The following NT5DC3 variants were observed in gnomAD, a reference collection of about 807,000 sequenced individuals.
NT5DC3 encodes 5'-nucleotidase domain-containing protein 3.
NT5DC3 carries 42 observed loss-of-function variants against 67.8 expected under a neutral mutation model. The observed-to-expected ratio is 0.62, with a 90% CI of 0.48 to 0.80. The LOEUF (loss-of-function observed/expected upper bound fraction) is 0.80. Among genes scored for constraint, NT5DC3 ranks in the 30% least tolerant of loss-of-function variants. The pLI, the probability that NT5DC3 is intolerant of heterozygous loss-of-function variation, is 0.00. For synonymous variants in NT5DC3, 237 were observed against 255.6 expected, an observed-to-expected ratio of 0.93 and a Z score of 0.69; for missense variants, 570 against 696.4, an observed-to-expected ratio of 0.82 and a Z score of 2.04.
At chr12:103,831,484 C>T (rs183904971) in intron 1 of NT5DC3, among the ~76,000 whole-genome samples, 10 of 152,262 alleles carry the variant, frequency 6.6e-5, no homozygotes, top group African/African-American at 7.2e-5. Context: ...CATGTGAGGA[C>T]GAGCTTGTGA....
At chr12:103,749,139 T>C in the NT5DC3 span, 1 of 1,604,336 alleles carries the variant, frequency 6.2e-7, no homozygotes, top group Non-Finnish European at 8.5e-7. Context: ...GCACGCCACC[T>C]GTAAGATGAC....
the NT5DC3 span, chr12:103,763,326 C>G: frequency 1.6e-6 from 1 of 644,802 alleles, no homozygotes; most frequent in East Asian, 2.6e-5. Context: ...TGAGCTGAAT[C>G]TAAAGGTTGG....
intron 4 of NT5DC3, chr12:103,802,385 G>A (rs1782111079): frequency 6.6e-6 from 1 of 152,208 alleles, no homozygotes; most frequent in Non-Finnish European, 1.5e-5. Context: ...CAAATGCCAG[G>A]TGGCAAGAAA....
chr12:103,793,796 C>A, intron 7 of NT5DC3, 141 bp downstream of exon 7: 1 of 696,482 alleles, frequency 1.4e-6, no homozygotes. Context: ...GAGGAGACGG[C>A]TAACATGCCA....
At position 103,841,059 on chromosome 12, in the gene NT5DC3, C is replaced by T; in HGVS notation, c.98G>A (p.Gly33Glu). The part of the protein sequence containing the change: ...LRGGCGTAAR[G>E]RPCAGPARPL... ...CCGGGCGGGGCCCGCACACGGCCGC[C>T]CCCGAGCCGCGGTCCCGCAGCCACC... Residue 33 changes from glycine (G) to glutamate (E), a missense_variant, in exon 1 of 14, where the codon GGG (glycine) becomes GAG (glutamate). Physicochemically the swap from Gly to Glu is moderately conservative, Grantham distance 98. Transcript: ENST00000392876. The T allele has an allele frequency of 7.9e-7, 1 of 1,265,304 alleles. No homozygotes were observed. The highest frequency in any genetic ancestry group is 9.9e-7 in the Non-Finnish European group (1 of 1,009,540). 78.4% of individuals were successfully genotyped at this position (1,265,304 alleles called of 1,614,324 possible). A position where few individuals can be genotyped will look rare whatever the true frequency, so the allele number is the denominator to read the frequency against.
intron 1 of NT5DC3, among the ~76,000 whole-genome samples, chr12:103,836,615 G>A (rs938884629): frequency 6.6e-6 from 1 of 152,186 alleles, no homozygotes; most frequent in Non-Finnish European, 1.5e-5. Context: ...CAGTTTTGAG[G>A]AGTACTGGTT....
Position 103,780,353 on chromosome 12 carries a change from A to C in NT5DC3, c.1341T>G (p.Asp447Glu), listed in dbSNP as rs139268775. 8.5e-5 allele frequency: 137 copies of C among 1,614,128 alleles called. No homozygotes were observed. In the East Asian group the frequency reaches 2.8e-3, roughly 33 times the overall value. Reference sequence around the variant, plus strand: ...CCTGCAAAACCAGCTGTGACTCAGCATCTCTGTGAACCTGTAGGACACAAG... The same window carrying C: ...CCTGCAAAACCAGCTGTGACTCAGCCTCTCTGTGAACCTGTAGGACACAAG... The part of the protein sequence containing the change: ...GLLEQMQVHR[D>E]AESQLVLQEW... Residue 447 changes from aspartate to glutamate, a missense_variant, in exon 13 of 14, where the codon GAT becomes GAG. Coordinates refer to ENST00000392876, the MANE Select transcript of NT5DC3 (RefSeq NM_001031701.3).
Position 103,777,790 on chromosome 12 carries a change from C to A in NT5DC3, c.*39G>T. 1 of 1,579,008 alleles carries A rather than the reference C, an allele frequency of 6.3e-7. No individual in the cohort carries two copies. Among genetic ancestry groups the A allele is most frequent in the Non-Finnish European group, 8.6e-7 (1 of 1,164,452 alleles). On this transcript the variant is annotated 3_prime_UTR_variant, in exon 14 of 14. Coordinates refer to ENST00000392876, the MANE Select transcript of NT5DC3 (RefSeq NM_001031701.3). ...TGAAGTCAACCCCATCATGCCTGCC[C>A]AATCAGGGGCAGTTACAGTTTCTAG...
chr12:103,800,504 T>C (rs1886522196), intron 4 of NT5DC3, among the ~76,000 whole-genome samples: 1 of 152,238 alleles, frequency 6.6e-6, no homozygotes, highest in African/African-American at 2.4e-5. Flanking sequence ...TCCCTGCCCT[T>C]TGGAAGCCAC....
chr12:103,801,582 CAT>C lies in NT5DC3; in HGVS notation c.525-2907_525-2906del, dbSNP rs1886584926. Among the ~76,000 whole-genome samples, 3 of 151,906 alleles carry C rather than the reference CAT, an allele frequency of 2.0e-5. No individual in the cohort carries two copies. The South Asian group carries it at 6.2e-4, about 32-fold the overall frequency. On this transcript the variant is annotated intron_variant, in intron 4 of 13. Coordinates refer to ENST00000392876, the MANE Select transcript of NT5DC3 (RefSeq NM_001031701.3). ...ATTTTTAGGAGAGACGGGGTTTCAC[CAT>C]GTTAGCCAGGATGGTCTTGATCTCC...
chr12:103,766,212 G>A (rs1257098972), downstream of NT5DC3: 2 of 1,588,402 alleles, frequency 1.3e-6, no homozygotes, highest in Admixed American at 3.3e-5. Context: ...CCTCAGACCA[G>A]TGGCCACCAG....
rs1397803276 is a variant in NT5DC3 at position 103,774,194 on chromosome 12, T to TCTTAGAAAATCA, written c.*3634_*3635insTGATTTTCTAAG. 4 of 152,262 alleles carry TCTTAGAAAATCA rather than the reference T, an allele frequency of 2.6e-5. No homozygotes were observed. Among genetic ancestry groups the TCTTAGAAAATCA allele is most frequent in the Non-Finnish European group, 5.9e-5 (4 of 68,050 alleles). The allele number at this position is 152,262 out of a possible 1,614,324, so 9.4% of individuals were successfully genotyped here. On this transcript the variant is annotated 3_prime_UTR_variant, in exon 14 of 14. Transcript: ENST00000392876. ...ATGGCTGCTGCCCTGGACTCATCATTGTTCACATAATTCTTAGAAAATCAG... is the reference window on the plus strand; with the variant it reads ...ATGGCTGCTGCCCTGGACTCATCATTCTTAGAAAATCAGTTCACATAATTCTTAGAAAATCAG...
At position 103,841,104 on chromosome 12, in the gene NT5DC3, G is replaced by T. The variant is rs1201979086; in HGVS notation, c.53C>A (p.Ala18Glu). ...GCCACCCCGCAAAGCCGCCGCTGTC[G>T]CTGCCCTCGCCCCGGCCCCGCGTGC... ...VVARGAGARAATAAALRGGCG... is the reference protein window; with the variant it reads ...VVARGAGARAETAAALRGGCG... The change falls in exon 1 of 14, where the codon GCG (alanine) becomes GAG (glutamate). Residue 18 changes from alanine to glutamate, a missense_variant. By Grantham distance (107) the Ala-to-Glu change is moderately radical. Around this residue, in one of 2 missense-constraint regions of NT5DC3, gnomAD observed 104 missense variants for 88.4 expected, o/e 1.18. Transcript: ENST00000392876. 2 of 1,135,698 alleles carry T rather than the reference G, an allele frequency of 1.8e-6. No homozygotes were observed. Among genetic ancestry groups the T allele is most frequent in the Non-Finnish European group, 2.3e-6 (2 of 885,162 alleles). 70.4% of individuals were successfully genotyped at this position (1,135,698 alleles called of 1,614,324 possible). A position where few individuals can be genotyped will look rare whatever the true frequency, so the allele number is the denominator to read the frequency against.
At chr12:103,839,386 C>T (rs1054219578) in intron 1 of NT5DC3, among the ~76,000 whole-genome samples, 13 of 152,088 alleles carry the variant, frequency 8.5e-5, no homozygotes, top group Admixed American at 5.9e-4. Flanking sequence ...GTAGCTGGGA[C>T]CACAGGTGTG....
intron 4 of NT5DC3, among the ~76,000 whole-genome samples, chr12:103,800,414 T>A (rs1316879216): frequency 6.6e-6 from 1 of 152,220 alleles, no homozygotes; most frequent in Admixed American, 6.5e-5. Context: ...GTAGCAGCAG[T>A]CATGTGTCCA....
At chr12:103,792,690 G>C (rs965106696) in intron 9 of NT5DC3, among the ~76,000 whole-genome samples, 4 of 152,174 alleles carry the variant, frequency 2.6e-5, no homozygotes, top group Non-Finnish European at 5.9e-5. Flanking sequence ...AAGATATTAA[G>C]ACGTAATAGA....
At chr12:103,783,097 C>T (rs141826661) in intron 12 of NT5DC3, among the ~76,000 whole-genome samples, 123 of 152,322 alleles carry the variant, frequency 8.1e-4, no homozygotes, top group African/African-American at 2.6e-3. Flanking sequence ...AAATAATGTG[C>T]TACATGCTCT....
At chr12:103,754,435 T>G in the NT5DC3 span, among the ~76,000 whole-genome samples, 2 of 152,084 alleles carry the variant, frequency 1.3e-5, no homozygotes, top group African/African-American at 4.8e-5. Context: ...TTCTCAATTG[T>G]ATAAGGATTT....
chr12:103,746,639 C>T, the NT5DC3 span: 1 of 1,614,016 alleles, frequency 6.2e-7, no homozygotes, highest in East Asian at 2.2e-5. Context: ...GCTCATGCCA[C>T]CTGTAAGGAG....
Sources: allele counts gnomAD v4.1 joint callset (sites outside exome capture counted in the v4.1 genomes callset), GRCh38; gene constraint gnomAD v4.1.1; regional missense constraint gnomAD v4.1.1; transcripts MANE v1.5; gene names NCBI Gene and HGNC (gene_info 2026-07-23, HGNC 2026-07-21).